Variants in DST observed in about 807,000 individuals in gnomAD.
The protein encoded by DST is dystonin.
DST carries 253 observed loss-of-function variants against 875.2 expected under a neutral mutation model. The observed-to-expected ratio is 0.29, with a 90% CI of 0.26 to 0.32. The LOEUF is 0.32. Ranked by LOEUF, DST falls within the 10% of genes least tolerant of loss-of-function variation. The pLI is 1.00. For synonymous variants in DST, 3,124 were observed against 3,197.1 expected, an observed-to-expected ratio of 0.98 and a Z score of 0.77; for missense variants, 8,287 against 9,111.6, an observed-to-expected ratio of 0.91 and a Z score of 3.68.
chr6:56,587,124 G>T (rs1240120345), intron 49 of DST, among the ~76,000 whole-genome samples: 1 of 152,026 alleles, frequency 6.6e-6, no homozygotes, highest in East Asian at 1.9e-4. Context: ...AGCTACAGGA[G>T]GAAATTCAAA....
chr6:56,476,324 GC>G lies in DST; in HGVS notation c.21688del (p.Ala7230GlnfsTer8). ...RARFEEVLAW[A>X]KQHQQRLASA... ...TGCTAATCTCTGCTGATGTTGCTTT[GC>G]CCAGGCCAGCACCTGTCAGAGAAAC... is the stretch of plus-strand genomic sequence containing the variant. On this transcript the variant is annotated frameshift_variant, in exon 92 of 104. Transcript: ENST00000680361. LOFTEE classifies it high-confidence loss of function. 1 of 1,594,720 alleles carries G rather than the reference GC, an allele frequency of 6.3e-7. No individual in the cohort carries two copies. The highest frequency in any genetic ancestry group is 8.6e-7 in the Non-Finnish European group (1 of 1,169,248).
At chr6:56,466,274 C>T (rs2094571550) in intron 98 of DST, 79 bp from the exon 99 acceptor site, 3 of 922,596 alleles carry the variant, frequency 3.3e-6, no homozygotes, top group East Asian at 5.6e-5. Context: ...TTTGCAGTAG[C>T]TAAAGCAACC....
chr6:56,723,212 A>G lies in DST; in HGVS notation c.687+12016T>C, dbSNP rs935716875. 3.3e-5 allele frequency among the ~76,000 whole-genome samples: 5 copies of G among 152,348 alleles called. No individual in the cohort carries two copies. In the East Asian group the frequency reaches 9.6e-4, roughly 29 times the overall value. On this transcript the variant is annotated intron_variant, in intron 5 of 103. Transcript: ENST00000680361. ...ACAATTAAAGAAATAGCTCAGTTATAATTCAAGAGAACCAAAAGGGTAAGT... is the reference window on the plus strand; with the variant it reads ...ACAATTAAAGAAATAGCTCAGTTATGATTCAAGAGAACCAAAAGGGTAAGT...
chr6:56,883,418 A>G (rs568361036), intron 3 of DST, among the ~76,000 whole-genome samples: 1 of 152,366 alleles, frequency 6.6e-6, no homozygotes, highest in Admixed American at 6.5e-5. Context: ...CAAATAAGCA[A>G]ATAGTTCTTT....
intron 4 of DST, among the ~76,000 whole-genome samples, chr6:56,840,788 T>C (rs947932658): frequency 6.6e-6 from 1 of 152,236 alleles, no homozygotes; most frequent in Non-Finnish European, 1.5e-5. Context: ...CTAAATCTAA[T>C]GCTCATAATT....
intron 36 of DST, chr6:56,619,792 A>G: frequency 3.1e-6 from 5 of 1,613,916 alleles, no homozygotes; most frequent in Non-Finnish European, 4.2e-6. Context: ...TGAGTGTATT[A>G]TTTGTTTCAT....
At chr6:56,581,720 T>G (rs2098001650) in intron 49 of DST, among the ~76,000 whole-genome samples, 1 of 152,250 alleles carries the variant, frequency 6.6e-6, no homozygotes, top group Admixed American at 6.5e-5. Flanking sequence ...CATTTGGATT[T>G]CAAAGCCCCC....
chr6:56,573,099 T>C (rs2097800975), intron 51 of DST, 35 bp from the exon 52 acceptor site: 2 of 1,454,964 alleles, frequency 1.4e-6, no homozygotes, highest in South Asian at 3.0e-5. Context: ...TCTTTTATTA[T>C]GATGCTTATA....
chr6:56,802,390 T>C (rs1304374889), intron 4 of DST, among the ~76,000 whole-genome samples: 1 of 152,134 alleles, frequency 6.6e-6, no homozygotes, highest in Non-Finnish European at 1.5e-5. Flanking sequence ...ACTCAGCCAA[T>C]AACACTTTAA....
chr6:56,508,579 C>A lies in DST; in HGVS notation c.19189G>T (p.Asp6397Tyr). 7 of 1,613,888 alleles carry A rather than the reference C, an allele frequency of 4.3e-6. No homozygotes were observed. The highest frequency in any genetic ancestry group is 5.9e-6 in the Non-Finnish European group (7 of 1,179,804). Residue 6397 changes from aspartate (D) to tyrosine (Y), a missense_variant, in exon 75 of 104, where the codon GAT becomes TAT. Physicochemically the swap from Asp to Tyr is radical, Grantham distance 160. This residue lies in a region of DST where 1,292 missense variants were observed against 1,552.7 expected (regional missense o/e 0.83). Transcript: ENST00000680361. Reference sequence around the variant, plus strand: ...ACTACTGAAGGATCAATTCCAGGATCTTCCAGGTCCCGGATGAAATCTTGA... The same window carrying A: ...ACTACTGAAGGATCAATTCCAGGATATTCCAGGTCCCGGATGAAATCTTGA... ...DTQDFIRDLE[D>Y]PGIDPSVVKQ...
chr6:56,546,859 A>T (rs2097238040), intron 61 of DST, among the ~76,000 whole-genome samples: 1 of 152,192 alleles, frequency 6.6e-6, no homozygotes, highest in South Asian at 2.1e-4. Flanking sequence ...GTGGGCCTAT[A>T]ATAATGACAG....
intron 3 of DST, among the ~76,000 whole-genome samples, chr6:56,884,818 T>G (rs1783887837): frequency 1.3e-5 from 2 of 152,074 alleles, no homozygotes; most frequent in African/African-American, 2.4e-5. Flanking sequence ...AAGCTCCGCC[T>G]CCCAGGTTCA....
In DST at chr6:56,529,776, T is replaced by A; in HGVS notation, c.17269-2A>T. 6.5e-7 allele frequency: 1 copy of A among 1,530,650 alleles called. No homozygotes were observed. The highest frequency in any genetic ancestry group is 1.3e-5 in the South Asian group (1 of 78,036). 94.8% of individuals were successfully genotyped at this position (1,530,650 alleles called of 1,614,324 possible). A position where few individuals can be genotyped will look rare whatever the true frequency, so the allele number is the denominator to read the frequency against. On this transcript the variant is annotated splice_acceptor_variant, in intron 65 of 103. Transcript: ENST00000680361. LOFTEE classifies it high-confidence loss of function. ...ATTGATGATGTCATCTTCTAAGGCC[T>A]AAGCAAAGTTTAAAAAAATAAAGAA...
chr6:56,711,011 G>GTT (rs143866885), intron 5 of DST, among the ~76,000 whole-genome samples: 4 of 149,262 alleles, frequency 2.7e-5, no homozygotes, highest in African/African-American at 9.8e-5. Flanking sequence ...ATAATAGAGA[G>GTT]TTTTTTTTTT....
intron 4 of DST, among the ~76,000 whole-genome samples, chr6:56,810,951 G>A (rs1309916223): frequency 6.6e-6 from 1 of 151,916 alleles, no homozygotes; most frequent in Non-Finnish European, 1.5e-5. Context: ...GGAGGCAGAG[G>A]CAGGAGGATC....
rs1367828326 is a variant in DST, at chr6:56,916,469, G to A, written c.217-15848C>T. Among the ~76,000 whole-genome samples, 3 of 152,094 alleles carry A rather than the reference G, an allele frequency of 2.0e-5. No homozygotes were observed. In the East Asian group the frequency reaches 5.8e-4, roughly 29 times the overall value. Reference sequence around the variant, plus strand: ...CCCGAACTTAACAAAAGCTATTCAAGACCTGGGTGCAGTGGTTCATGCCTG... The same window carrying A: ...CCCGAACTTAACAAAAGCTATTCAAAACCTGGGTGCAGTGGTTCATGCCTG... On this transcript the variant is annotated intron_variant, in intron 2 of 103. Coordinates refer to ENST00000680361, the MANE Select transcript of DST (RefSeq NM_001374736.1).
intron 61 of DST, among the ~76,000 whole-genome samples, chr6:56,551,849 A>G (rs1471236434): frequency 6.6e-6 from 1 of 152,232 alleles, no homozygotes; most frequent in Non-Finnish European, 1.5e-5. Flanking sequence ...CATCTGCAAT[A>G]GAGTTCAAAA....
intron 36 of DST, chr6:56,619,987 T>C (rs1178750106): frequency 1.9e-6 from 3 of 1,614,024 alleles, no homozygotes; most frequent in African/African-American, 1.3e-5. Context: ...GGAGACCCGT[T>C]ACTGCCCTGC....
rs1245793966 is a variant in DST at position 56,634,930 on chromosome 6, C to T, written c.3210G>A (p.Gln1070=). The T allele has an allele frequency of 6.2e-7, 1 of 1,612,908 alleles. No individual in the cohort carries two copies. The highest frequency in any genetic ancestry group is 1.3e-5 in the African/African-American group (1 of 74,896). Residue 1070 remains glutamine (Q), a synonymous_variant, in exon 25 of 104, where the codon CAG becomes CAA. Transcript: ENST00000680361. ...ESMEEKEELL[Q]YKSTIANLMG... is the part of the protein sequence containing the mutation. The stretch of plus-strand genomic sequence containing the variant: ...TTAGGTTTGCTATAGTGCTTTTGTA[C>T]TGCAGAAGTTCTTCTTTCTCTTCCT...
Sources: allele counts gnomAD v4.1 joint callset (sites outside exome capture counted in the v4.1 genomes callset), GRCh38; gene constraint gnomAD v4.1.1; regional missense constraint gnomAD v4.1.1; transcripts MANE v1.5; gene names NCBI Gene and HGNC (gene_info 2026-07-23, HGNC 2026-07-21).